The following KLHL29 variants were observed in gnomAD, a reference collection of about 807,000 sequenced individuals.
The protein encoded by KLHL29 is kelch like family member 29.
Under a neutral mutation model 80.4 loss-of-function variants are expected in KLHL29, and 21 were observed. The observed-to-expected ratio is 0.26, with a 90% CI of 0.19 to 0.38. The LOEUF (loss-of-function observed/expected upper bound fraction) is 0.38. Ranked by LOEUF, KLHL29 falls within the 10% of genes least tolerant of loss-of-function variation. The probability of loss-of-function intolerance (pLI) is 1.00; values close to 1 mark genes in which losing one functional copy is unlikely to be tolerated. For synonymous variants in KLHL29, 511 were observed against 526.8 expected, an observed-to-expected ratio of 0.97 and a Z score of 0.41; for missense variants, 867 against 1,223.9, an observed-to-expected ratio of 0.71 and a Z score of 4.35.
intron 3 of KLHL29, among the ~76,000 whole-genome samples, chr2:23,631,300 A>G (rs1395416273): frequency 6.6e-6 from 1 of 152,240 alleles, no homozygotes; most frequent in Non-Finnish European, 1.5e-5. Context: ...TTGGAATCTG[A>G]ATATATATTT....
In KLHL29 at chr2:23,700,508, A is replaced by G. The variant is rs1672296154; in HGVS notation, c.2106-2678A>G. Among the ~76,000 whole-genome samples the G allele has an allele frequency of 6.6e-6, 1 of 152,154 alleles. No homozygotes were observed. The highest frequency in any genetic ancestry group is 1.5e-5 in the Non-Finnish European group (1 of 68,022). ...TCTCTTTCCAACTCCATGTTCAGCA[A>G]CATCCCTATGGTAGCTTGAAATCAG... On this transcript the variant is annotated intron_variant, in intron 11 of 13. Coordinates refer to ENST00000486442, the MANE Select transcript of KLHL29 (RefSeq NM_052920.2). The surrounding 1 kb of genome is among the most constrained non-coding windows in gnomAD (Gnocchi z 4.6).
At chr2:23,594,950 G>A (rs1668360177) in intron 3 of KLHL29, among the ~76,000 whole-genome samples, 1 of 152,164 alleles carries the variant, frequency 6.6e-6, no homozygotes, top group African/African-American at 2.4e-5. Context: ...CAGGATAGCT[G>A]CTAGCTACAG....
At chr2:23,611,076 T>G (rs1454220618) in intron 3 of KLHL29, among the ~76,000 whole-genome samples, 2 of 152,098 alleles carry the variant, frequency 1.3e-5, no homozygotes, top group South Asian at 4.1e-4. Context: ...AAATGATCAA[T>G]GAGGAAATGC....
rs187805042 is a variant in KLHL29 at position 23,554,620 on chromosome 2, T to C, written c.-45-7532T>C. On this transcript the variant is annotated intron_variant, in intron 2 of 13. Coordinates refer to ENST00000486442, the MANE Select transcript of KLHL29 (RefSeq NM_052920.2). ...CGCCACCAGCAGCCAGAATACTGTG[T>C]GTCACCGGACACAGATGGCCTCCAT... 4.5e-4 allele frequency among the ~76,000 whole-genome samples: 69 copies of C among 152,316 alleles called. 3 individuals carry two copies. The East Asian group carries it at 8.5e-3, about 19-fold the overall frequency.
At chr2:23,539,439 T>A (rs1666772484) in intron 2 of KLHL29, among the ~76,000 whole-genome samples, 1 of 139,458 alleles carries the variant, frequency 7.2e-6, no homozygotes, top group South Asian at 2.4e-4. Flanking sequence ...CTCCTTTTTT[T>A]TTTTTTTTTT....
intron 3 of KLHL29, among the ~76,000 whole-genome samples, chr2:23,576,220 G>A (rs571431422): frequency 7.3e-5 from 11 of 150,838 alleles, no homozygotes; most frequent in South Asian, 2.1e-4. Flanking sequence ...CAGGAGAATC[G>A]CTTGAACCCA....
At chr2:23,477,294 C>T (rs1158162377) in intron 2 of KLHL29, among the ~76,000 whole-genome samples, 2 of 152,396 alleles carry the variant, frequency 1.3e-5, no homozygotes, top group East Asian at 1.9e-4. Context: ...GCTCCTGCCA[C>T]GTCCAGATTC....
chr2:23,637,275 GGAGT>G (rs749709005), intron 3 of KLHL29, among the ~76,000 whole-genome samples: 1 of 152,150 alleles, frequency 6.6e-6, no homozygotes, highest in South Asian at 2.1e-4. Context: ...CGAAGGCTGT[GGAGT>G]GGATAGATCC....
intron 3 of KLHL29, among the ~76,000 whole-genome samples, chr2:23,630,817 CTTA>C (rs1669448538): frequency 6.6e-6 from 1 of 152,126 alleles, no homozygotes; most frequent in Non-Finnish European, 1.5e-5. Flanking sequence ...TTCTCTGGCC[CTTA>C]TTATTCTCAT....
chr2:23,464,413 CG>C (rs796219899), intron 1 of KLHL29, among the ~76,000 whole-genome samples: 2 of 152,132 alleles, frequency 1.3e-5, no homozygotes, highest in Admixed American at 6.5e-5. Flanking sequence ...CAGCTGCCTT[CG>C]GGGGGGATAA....
intron 3 of KLHL29, among the ~76,000 whole-genome samples, chr2:23,565,656 A>G (rs1311555762): frequency 6.6e-6 from 1 of 150,884 alleles, no homozygotes; most frequent in Non-Finnish European, 1.5e-5. Context: ...CTGAAACTGC[A>G]CTCCAGTGGA....
rs78622335 is a variant in KLHL29 at position 23,406,664 on chromosome 2, C to G, written c.-154+20884C>G. Among the ~76,000 whole-genome samples the G allele has an allele frequency of 1.3e-3, 198 of 152,234 alleles. 1 individual carries two copies. The highest frequency in any genetic ancestry group is 4.6e-3 in the African/African-American group (190 of 41,540). ...TTCACAATTTCGGTATCACACACAT[C>G]TGCCAAGGTCCAGCTCTGAGGGTAA... On this transcript the variant is annotated intron_variant, in intron 1 of 13. Transcript: ENST00000486442.
chr2:23,550,371 C>T (rs565980506), intron 2 of KLHL29, among the ~76,000 whole-genome samples: 1 of 152,240 alleles, frequency 6.6e-6, no homozygotes, highest in East Asian at 1.9e-4. Context: ...GCAGGAGGCC[C>T]CCCAGGTCCC....
intron 5 of KLHL29, among the ~76,000 whole-genome samples, chr2:23,645,072 C>T (rs1412743555): frequency 3.3e-5 from 5 of 152,170 alleles, no homozygotes; most frequent in Admixed American, 6.5e-5. Context: ...GAGTGACGCA[C>T]GCGCCTACAA....
At position 23,666,740 on chromosome 2, in the gene KLHL29, CA is replaced by C. The variant is rs552505710; in HGVS notation, c.941-17658del. On this transcript the variant is annotated intron_variant, in intron 5 of 13. Coordinates refer to ENST00000486442, the MANE Select transcript of KLHL29 (RefSeq NM_052920.2). The stretch of plus-strand genomic sequence containing the variant: ...GAGCTGTAGGGTGTGGTCAGGCAGA[CA>C]GCACATGTGGAGCACCCAAGATCAA... Among the ~76,000 whole-genome samples the C allele has an allele frequency of 3.7e-4, 56 of 152,366 alleles. No individual in the cohort carries two copies. In the East Asian group the frequency reaches 0.01, roughly 28 times the overall value.
chr2:23,448,898 C>T (rs1663784665), intron 1 of KLHL29, among the ~76,000 whole-genome samples: 1 of 152,154 alleles, frequency 6.6e-6, no homozygotes, highest in Admixed American at 6.5e-5. Context: ...GAATCTTAAA[C>T]ACATCTAGAA....
chr2:23,423,940 A>G (rs1662928131), intron 1 of KLHL29, among the ~76,000 whole-genome samples: 1 of 152,056 alleles, frequency 6.6e-6, no homozygotes, highest in East Asian at 1.9e-4. Flanking sequence ...GACCCCATTC[A>G]CCATCCTTAG....
rs141666920 is a variant in KLHL29, at chr2:23,680,251, G to A, written c.941-4148G>A. The stretch of plus-strand genomic sequence containing the variant: ...GTAAAAAGATGGGACTTGGTGTGAT[G>A]AGGGAGGGGAGGAGTCTGGGGAAGG... On this transcript the variant is annotated intron_variant, in intron 5 of 13. Transcript: ENST00000486442. The surrounding 1 kb of genome is among the most constrained non-coding windows in gnomAD (Gnocchi z 4.1). 2.0e-5 allele frequency among the ~76,000 whole-genome samples: 3 copies of A among 152,286 alleles called. No homozygotes were observed. The East Asian group carries it at 5.8e-4, about 29-fold the overall frequency.
At chr2:23,531,859 T>C (rs1666500080) in intron 2 of KLHL29, among the ~76,000 whole-genome samples, 1 of 152,242 alleles carries the variant, frequency 6.6e-6, no homozygotes. Context: ...GACTGCACTA[T>C]ACTATTTGCT....
Sources: gnomAD v4.1 joint callset for allele counts (sites outside exome capture counted in the v4.1 genomes callset) on GRCh38, gnomAD v4.1.1 for gene constraint, Gnocchi (gnomAD v3.1) non-coding constraint, MANE v1.5 for transcripts, NCBI Gene and HGNC (gene_info 2026-07-23, HGNC 2026-07-21) for gene names.